Variants in OSBPL5 observed in about 807,000 individuals in gnomAD.
The protein encoded by OSBPL5 is oxysterol-binding protein-related protein 5.
Under a neutral mutation model 111.2 loss-of-function variants are expected in OSBPL5, and 71 were observed. The ratio of observed to expected loss-of-function variants is 0.64; its 90% CI spans 0.53 to 0.78. OSBPL5 has a LOEUF of 0.78. OSBPL5 is among the 30% of genes least tolerant of loss of function. The probability of loss-of-function intolerance (pLI) is 0.00; values close to 1 mark genes in which losing one functional copy is unlikely to be tolerated. For synonymous variants in OSBPL5, 549 were observed against 513.9 expected (o/e 1.07, Z -0.93); for missense variants, 1,210 against 1,189.3 (o/e 1.02, Z -0.26).
intron 7 of OSBPL5, among the ~76,000 whole-genome samples, chr11:3,115,873 C>CTT (rs369499437): frequency 0.19 from 27,748 of 143,904 alleles, 2,765 homozygotes; most frequent in East Asian, 0.26. Flanking sequence ...AGGCTTTTGC[C>CTT]TTTTTTTTTT....
intron 14 of OSBPL5, among the ~76,000 whole-genome samples, chr11:3,097,235 C>T (rs965041367): frequency 6.6e-6 from 1 of 151,528 alleles, no homozygotes; most frequent in Non-Finnish European, 1.5e-5. Context: ...GTAGACAGGT[C>T]CTTGGGTCAG....
chr11:3,164,994 C>G (rs1278395242), intron 1 of OSBPL5, among the ~76,000 whole-genome samples: 1 of 151,278 alleles, frequency 6.6e-6, no homozygotes, highest in South Asian at 2.1e-4. Flanking sequence ...CCCAGGCTCC[C>G]GCGCTCCCCA....
At chr11:3,149,704 C>T (rs1385231377) in intron 1 of OSBPL5, among the ~76,000 whole-genome samples, 1 of 152,210 alleles carries the variant, frequency 6.6e-6, no homozygotes, top group Non-Finnish European at 1.5e-5. Flanking sequence ...CCCCGAGGCC[C>T]CTGCGCCCTG....
chr11:3,118,147 T>C (rs886682047), intron 7 of OSBPL5, among the ~76,000 whole-genome samples: 2 of 152,312 alleles, frequency 1.3e-5, no homozygotes, highest in East Asian at 1.9e-4. Context: ...CTCCAAAAGA[T>C]TTTTAAAAAG....
At position 3,104,511 on chromosome 11, in the gene OSBPL5, T is replaced by C; in HGVS notation, c.1060-134A>G. 5.5e-6 allele frequency: 5 copies of C among 907,332 alleles called. No homozygotes were observed. Among genetic ancestry groups the C allele is most frequent in the East Asian group, 2.7e-5 (1 of 36,956 alleles). 56.2% of individuals were successfully genotyped at this position (907,332 alleles called of 1,614,324 possible). A position where few individuals can be genotyped will look rare whatever the true frequency, so the allele number is the denominator to read the frequency against. On this transcript the variant is annotated intron_variant, in intron 9 of 21. Coordinates refer to ENST00000263650, the MANE Select transcript of OSBPL5 (RefSeq NM_020896.4). The surrounding 1 kb of genome is among the most constrained non-coding windows in gnomAD (Gnocchi z 5.0). ...GTGTAAACCCCTGACCTGGCCTCCA[T>C]GGCCTCATGAGGCTGACTCAGCCCC...
In OSBPL5 at chr11:3,127,207, C is replaced by G. The variant is rs1242202264; in HGVS notation, c.137-652G>C. Among the ~76,000 whole-genome samples, 6 of 152,336 alleles carry G rather than the reference C, an allele frequency of 3.9e-5. No homozygotes were observed. The South Asian group carries it at 1.2e-3, about 32-fold the overall frequency. On this transcript the variant is annotated intron_variant, in intron 2 of 21. Transcript: ENST00000263650. The stretch of plus-strand genomic sequence containing the variant: ...CTGCAGGGGAAGCCTGAGGTCTGCC[C>G]AGCAGGGCCGCTCCCGCTGCTTCCT...
At chr11:3,112,087 ATGTG>A (rs1192900186) in intron 7 of OSBPL5, among the ~76,000 whole-genome samples, 3 of 97,378 alleles carry the variant, frequency 3.1e-5, no homozygotes, top group African/African-American at 1.3e-4. Flanking sequence ...GTGTGTGTGC[ATGTG>A]TGTGTGCATA....
In OSBPL5 at chr11:3,162,545, A is replaced by G. The variant is rs1205655893; in HGVS notation, c.-22+2671T>C. On this transcript the variant is annotated intron_variant, in intron 1 of 21. Transcript: ENST00000263650. This position sits in a 1 kb window ranked among gnomAD's most constrained non-coding sequence, Gnocchi z 8.1. ...CCTGGCTCAGAACAACTGTGATGCT[A>G]AGAGAACAACGCGGTCCTTAGTCCA... Among the ~76,000 whole-genome samples, 1 of 151,970 alleles carries G rather than the reference A, an allele frequency of 6.6e-6. No individual in the cohort carries two copies. The highest frequency in any genetic ancestry group is 2.4e-5 in the African/African-American group (1 of 41,372).
chr11:3,099,153 C>T (rs960669692), intron 14 of OSBPL5, among the ~76,000 whole-genome samples: 16 of 152,162 alleles, frequency 1.1e-4, no homozygotes, highest in African/African-American at 3.1e-4. Context: ...AATCTGAAAA[C>T]GCTCCACACC....
chr11:3,133,554 C>T (rs1416409555), intron 1 of OSBPL5, among the ~76,000 whole-genome samples: 10 of 150,960 alleles, frequency 6.6e-5, no homozygotes, highest in Admixed American at 6.6e-4. Context: ...TCAGCGGCCT[C>T]CATGCCCTGG....
At chr11:3,108,011 C>T in intron 7 of OSBPL5, 66 bp from the exon 8 acceptor site, 2 of 1,549,524 alleles carry the variant, frequency 1.3e-6, no homozygotes, top group Non-Finnish European at 1.7e-6. Flanking sequence ...CCCCAAGGGG[C>T]CACCAGGAGG....
chr11:3,097,159 G>T (rs537772067), intron 14 of OSBPL5, among the ~76,000 whole-genome samples: 3 of 150,852 alleles, frequency 2.0e-5, no homozygotes, highest in Non-Finnish European at 3.0e-5. Flanking sequence ...AGAGGAAAAG[G>T]GGGGAAGAGA....
intron 1 of OSBPL5, among the ~76,000 whole-genome samples, chr11:3,135,809 T>C (rs1845934491): frequency 6.6e-6 from 1 of 151,978 alleles, no homozygotes; most frequent in Admixed American, 6.5e-5. Context: ...CACCTCCTGG[T>C]CCCCTCCTCA....
chr11:3,094,923 T>C (rs982358805), intron 14 of OSBPL5: 1 of 152,236 alleles, frequency 6.6e-6, no homozygotes, highest in East Asian at 1.9e-4. Context: ...TTTCCATGTC[T>C]GGCATATGGA....
rs577101378 is a variant in OSBPL5, at chr11:3,092,955, G to A, written c.2044C>T (p.Arg682Cys). The A allele has an allele frequency of 4.5e-5, 71 of 1,590,464 alleles. No individual in the cohort carries two copies. The highest frequency in any genetic ancestry group is 2.1e-4 in the South Asian group (18 of 87,026). The change falls in exon 18 of 22, where the codon CGT (arginine) becomes TGT (cysteine). Residue 682 changes from arginine to cysteine, a missense_variant. Physicochemically the swap from Arg to Cys is radical, Grantham distance 180 (BLOSUM62 -3). Transcript: ENST00000263650. This position sits in a 1 kb window ranked among gnomAD's most constrained non-coding sequence, Gnocchi z 5.4. ...ALEEAQRQRA[R>C]ERQESLMPWK... ...GGCATGAGGCTCTCCTGCCGCTCACGGGCCCGCTGCCGCTGTGCCTCCTCC... is the reference window on the plus strand; with the variant it reads ...GGCATGAGGCTCTCCTGCCGCTCACAGGCCCGCTGCCGCTGTGCCTCCTCC...
chr11:3,133,480 T>A (rs574581105), intron 1 of OSBPL5, among the ~76,000 whole-genome samples: 1 of 152,356 alleles, frequency 6.6e-6, no homozygotes, highest in African/African-American at 2.4e-5. Flanking sequence ...AGGTGGACCC[T>A]TTAGGCCCAG....
At chr11:3,098,188 C>T (rs987731950) in intron 14 of OSBPL5, among the ~76,000 whole-genome samples, 5 of 150,888 alleles carry the variant, frequency 3.3e-5, no homozygotes, top group Non-Finnish European at 5.9e-5. Flanking sequence ...ATGAGTTACA[C>T]GTCAAGTTAA....
At chr11:3,117,273 A>G (rs58462333) in intron 7 of OSBPL5, among the ~76,000 whole-genome samples, 39,007 of 152,158 alleles carry the variant, frequency 0.26, 5,201 homozygotes, top group Non-Finnish European at 0.28. Flanking sequence ...GTCCCTGTAC[A>G]GGGTTCCTGA....
In OSBPL5 at chr11:3,092,936, A is replaced by C; in HGVS notation, c.2063T>G (p.Leu688Arg). The C allele has an allele frequency of 6.3e-7, 1 of 1,577,240 alleles. No homozygotes were observed. The highest frequency in any genetic ancestry group is 8.6e-7 in the Non-Finnish European group (1 of 1,162,306). The change falls in exon 18 of 22, where the codon CTC becomes CGC. Residue 688 changes from leucine (L) to arginine (R), a missense_variant. Coordinates refer to ENST00000263650, the MANE Select transcript of OSBPL5 (RefSeq NM_020896.4). The surrounding 1 kb of genome is among the most constrained non-coding windows in gnomAD (Gnocchi z 5.4). ...GAACAGCTGCGGCTTCCAGGGCATG[A>C]GGCTCTCCTGCCGCTCACGGGCCCG... ...RQRARERQES[L>R]MPWKPQLFHL... is the part of the protein sequence containing the mutation.
Sources: allele counts gnomAD v4.1 joint callset (sites outside exome capture counted in the v4.1 genomes callset), GRCh38; gene constraint gnomAD v4.1.1; non-coding constraint Gnocchi (gnomAD v3.1); transcripts MANE v1.5; gene names NCBI Gene and HGNC (gene_info 2026-07-23, HGNC 2026-07-21).